The following SMIM43 variants were observed in gnomAD, a reference collection of about 807,000 sequenced individuals.
SMIM43 encodes the protein Nodal Enhanced MEsendoderm Peptide.
chr4:121,761,968 A>C, intron 3 of SMIM43, 76 bp from the exon 4 acceptor site: 56 of 1,251,678 alleles, frequency 4.5e-5, no homozygotes, highest in Non-Finnish European at 5.6e-5. Flanking sequence ...ATTATGGCTC[A>C]TTTCCTTATA....
chr4:121,761,455 T>C (rs1298359697), intron 5 of SMIM43, 83 bp downstream of exon 5: 3 of 1,384,902 alleles, frequency 2.2e-6, no homozygotes, highest in Non-Finnish European at 2.9e-6. Context: ...TTTAACTCTA[T>C]TGCACTGATT....
At chr4:121,760,955 A>G (rs4240261) in intron 5 of SMIM43, among the ~76,000 whole-genome samples, 134,848 of 152,158 alleles carry the variant, frequency 0.89, 59,926 homozygotes, top group African/African-American at 0.96. Context: ...ATGCTTATTA[A>G]GTTCTGATTA....
At chr4:121,761,947 T>C in intron 3 of SMIM43, 55 bp from the exon 4 acceptor site, 1 of 1,406,464 alleles carries the variant, frequency 7.1e-7, no homozygotes, top group Non-Finnish European at 9.8e-7. Context: ...ATACAAATAT[T>C]ACATAATAGA....
chr4:121,759,144 C>A lies in SMIM43; in HGVS notation c.*1830G>T, dbSNP rs1386553820. The A allele has an allele frequency of 6.6e-6, 1 of 152,160 alleles. No individual in the cohort carries two copies. The highest frequency in any genetic ancestry group is 1.5e-5 in the Non-Finnish European group (1 of 68,014). The allele number at this position is 152,160 out of a possible 1,614,324, so 9.4% of individuals were successfully genotyped here. A position where few individuals can be genotyped will look rare whatever the true frequency, so the allele number is the denominator to read the frequency against. ...TAGTCACTAGGAAGGTGAAGTGGAGCAGTACTGCCATTTCTTCATGATCAA... is the reference window on the plus strand; with the variant it reads ...TAGTCACTAGGAAGGTGAAGTGGAGAAGTACTGCCATTTCTTCATGATCAA... On this transcript the variant is annotated 3_prime_UTR_variant, in exon 6 of 6. Transcript: ENST00000643802.
intron 3 of SMIM43, 79 bp downstream of exon 3, chr4:121,762,648 C>T (rs1471881462): frequency 6.6e-6 from 1 of 151,908 alleles, no homozygotes; most frequent in Non-Finnish European, 1.5e-5. Flanking sequence ...AGAAAGGCAC[C>T]CCTGCTTTCT....
At chr4:121,761,441 A>G in intron 5 of SMIM43, 97 bp downstream of exon 5, 1 of 1,291,284 alleles carries the variant, frequency 7.7e-7, no homozygotes, top group Non-Finnish European at 1.1e-6. Context: ...TTGGTCATTT[A>G]AAATTTAACT....
At chr4:121,760,580 C>T in intron 5 of SMIM43, 106 bp from the exon 6 acceptor site, 2 of 1,400,838 alleles carry the variant, frequency 1.4e-6, no homozygotes, top group African/African-American at 2.9e-5. Context: ...CCTCCTTGTT[C>T]TGTGAGAAAA....
chr4:121,765,245 C>A, upstream of SMIM43: 1 of 379,518 alleles, frequency 2.6e-6, no homozygotes, highest in Non-Finnish European at 4.7e-6. Flanking sequence ...CTCCGGGGTC[C>A]GTGCTTTGCC....
chr4:121,760,252 T>A lies in SMIM43; in HGVS notation c.*722A>T, dbSNP rs1553925258. ...TCTTCATCAAGAGAAACTGGATTTT[T>A]GTCAAAGGCAGTTATATATCCAGCT... On this transcript the variant is annotated 3_prime_UTR_variant, in exon 6 of 6. Transcript: ENST00000643802. The A allele has an allele frequency of 6.5e-7, 1 of 1,543,032 alleles. No individual in the cohort carries two copies. The highest frequency in any genetic ancestry group is 1.3e-5 in the South Asian group (1 of 78,770).
Position 121,761,876 on chromosome 4 carries a change from G to C in SMIM43, c.*295C>G, listed in dbSNP as rs1364672935. ...AGCCAAGATTGTCCTGATAAGATCT[G>C]AAGCCATTTTGAACACCTGAAATTT... On this transcript the variant is annotated 3_prime_UTR_variant, in exon 4 of 6. Transcript: ENST00000643802. The C allele has an allele frequency of 6.2e-7, 1 of 1,609,888 alleles. No individual in the cohort carries two copies. The highest frequency in any genetic ancestry group is 1.3e-5 in the African/African-American group (1 of 74,760).
chr4:121,760,271 T>C lies in SMIM43; in HGVS notation c.*703A>G. The C allele has an allele frequency of 1.3e-6, 2 of 1,586,390 alleles. No homozygotes were observed. Among genetic ancestry groups the C allele is most frequent in the Non-Finnish European group, 1.7e-6 (2 of 1,168,584 alleles). Reference sequence around the variant, plus strand: ...GATTTTTGTCAAAGGCAGTTATATATCCAGCTACAAAAACTACATTTCTCA... The same window carrying C: ...GATTTTTGTCAAAGGCAGTTATATACCCAGCTACAAAAACTACATTTCTCA... On this transcript the variant is annotated 3_prime_UTR_variant, in exon 6 of 6. Transcript: ENST00000643802.
In SMIM43 at chr4:121,765,149, G is replaced by A. The variant is rs1371557876; in HGVS notation, c.-44C>T. 4 of 394,650 alleles carry A rather than the reference G, an allele frequency of 1.0e-5. No homozygotes were observed. The highest frequency in any genetic ancestry group is 1.8e-5 in the Non-Finnish European group (4 of 223,530). 24.4% of individuals were successfully genotyped at this position (394,650 alleles called of 1,614,324 possible). On this transcript the variant is annotated 5_prime_UTR_variant, in exon 1 of 6. Coordinates refer to ENST00000643802, the MANE Select transcript of SMIM43 (RefSeq NM_001384332.1). Reference sequence around the variant, plus strand: ...CGCTGGCCCTGCGCGCTCGGCGCGGGCTGCAGCTGGAGGGCGAGCGCGCCG... The same window carrying A: ...CGCTGGCCCTGCGCGCTCGGCGCGGACTGCAGCTGGAGGGCGAGCGCGCCG...
Position 121,759,332 on chromosome 4 carries a change from T to G in SMIM43, c.*1642A>C, listed in dbSNP as rs1461425268. On this transcript the variant is annotated 3_prime_UTR_variant, in exon 6 of 6. Transcript: ENST00000643802. ...CAAATTCAATGGCAAGCTAGAATAG[T>G]GAAGACCAGGGGATACCAAGCCCAT... The G allele has an allele frequency of 6.6e-6, 1 of 152,208 alleles. No homozygotes were observed. The allele number at this position is 152,208 out of a possible 1,614,324, so 9.4% of individuals were successfully genotyped here.
rs766881961 is a variant in SMIM43 at position 121,760,306 on chromosome 4, G to A, written c.*668C>T. 6.2e-7 allele frequency: 1 copy of A among 1,606,298 alleles called. No individual in the cohort carries two copies. The highest frequency in any genetic ancestry group is 8.5e-7 in the Non-Finnish European group (1 of 1,177,924). On this transcript the variant is annotated 3_prime_UTR_variant, in exon 6 of 6. Coordinates refer to ENST00000643802, the MANE Select transcript of SMIM43 (RefSeq NM_001384332.1). ...AAAACTACATTTCTCAGACAATCTTGCAGATAGCAGTAGCCAATGACACAG... is the reference window on the plus strand; with the variant it reads ...AAAACTACATTTCTCAGACAATCTTACAGATAGCAGTAGCCAATGACACAG...
At chr4:121,761,131 A>G (rs1726040403) in intron 5 of SMIM43, among the ~76,000 whole-genome samples, 1 of 152,212 alleles carries the variant, frequency 6.6e-6, no homozygotes, top group Non-Finnish European at 1.5e-5. Flanking sequence ...AACAAAAAAA[A>G]AAAACTACAT....
rs532719513 is a variant in SMIM43, at chr4:121,764,973, G to A, written c.133C>T (p.Pro45Ser). 3 of 398,506 alleles carry A rather than the reference G, an allele frequency of 7.5e-6. No individual in the cohort carries two copies. In the South Asian group the frequency reaches 3.8e-4, roughly 51 times the overall value. 24.7% of individuals were successfully genotyped at this position (398,506 alleles called of 1,614,324 possible). A position where few individuals can be genotyped will look rare whatever the true frequency, so the allele number is the denominator to read the frequency against. Residue 45 changes from proline (P) to serine (S), a missense_variant, in exon 1 of 6, where the codon CCC becomes TCC. Physicochemically the swap from Pro to Ser is moderately conservative, Grantham distance 74. Transcript: ENST00000643802. ...TCGCGGTGCACCGAGAGGCGCCCGG[G>A]CTGGAGCGCCCCGGCCGTGTTGGCC... Reference protein sequence around the residue: ...SVANTAGALQPGRLSVHREPW... With the variant: ...SVANTAGALQSGRLSVHREPW...
In SMIM43 at chr4:121,760,468, T is replaced by C; in HGVS notation, c.*506A>G. On this transcript the variant is annotated 3_prime_UTR_variant, in exon 6 of 6. Coordinates refer to ENST00000643802, the MANE Select transcript of SMIM43 (RefSeq NM_001384332.1). ...CTTGTGGGGTGCTGCGGGGACCATC[T>C]TGGAACCTGGAGGAAAAAGCCAAGG... The C allele has an allele frequency of 6.5e-7, 1 of 1,540,056 alleles. No homozygotes were observed. The highest frequency in any genetic ancestry group is 8.7e-7 in the Non-Finnish European group (1 of 1,143,516).
chr4:121,762,013 G>A, intron 3 of SMIM43, 121 bp from the exon 4 acceptor site: 2 of 804,564 alleles, frequency 2.5e-6, no homozygotes, highest in Non-Finnish European at 3.9e-6. Context: ...TAACATTGCT[G>A]AAGAATCACT....
rs1726281570 is a variant in SMIM43, at chr4:121,765,065, A to C, written c.41T>G (p.Phe14Cys). ...ELNLLLYLAL[F>C]FFLLFLLFLL... ...GAAAAGTAAGAAGAGCAGGAAGAAG[A>C]AGAGCGCCAGGTAGAGCAGCAAGTT... The change falls in exon 1 of 6, where the codon TTC becomes TGC. Residue 14 changes from phenylalanine to cysteine, a missense_variant. Transcript: ENST00000643802. The C allele has an allele frequency of 2.5e-6, 1 of 398,286 alleles. No homozygotes were observed. Among genetic ancestry groups the C allele is most frequent in the Non-Finnish European group, 4.4e-6 (1 of 225,640 alleles). 24.7% of individuals were successfully genotyped at this position (398,286 alleles called of 1,614,324 possible).
Sources: gnomAD v4.1 joint callset for allele counts (sites outside exome capture counted in the v4.1 genomes callset) on GRCh38, gnomAD v4.1.1 for gene constraint, MANE v1.5 for transcripts, NCBI Gene and HGNC (gene_info 2026-07-23, HGNC 2026-07-21) for gene names.